Variants in POU6F2 observed in about 807,000 individuals in gnomAD.
POU6F2 encodes the protein POU class 6 homeobox 2.
Under a neutral mutation model 71.3 loss-of-function variants are expected in POU6F2, and 31 were observed. The ratio of observed to expected loss-of-function variants is 0.43; its 90% confidence interval spans 0.33 to 0.59. POU6F2 has a LOEUF of 0.59. POU6F2 is among the 20% of genes least tolerant of loss of function. The probability of loss-of-function intolerance (pLI) is 0.04; values close to 1 mark genes in which losing one functional copy is unlikely to be tolerated. For synonymous variants in POU6F2, 347 were observed against 355.7 expected (o/e 0.98, Z 0.27); for missense variants, 783 against 856.8 (o/e 0.91, Z 1.07).
chr7:39,079,106 G>A (rs1791059484), intron 1 of POU6F2, among the ~76,000 whole-genome samples: 1 of 147,738 alleles, frequency 6.8e-6, no homozygotes, highest in African/African-American at 2.5e-5. Context: ...GTCTATTTGT[G>A]TAATACTTTT....
intron 1 of POU6F2, among the ~76,000 whole-genome samples, chr7:39,079,012 G>A (rs1245685030): frequency 1.3e-5 from 2 of 152,076 alleles, no homozygotes; most frequent in South Asian, 2.1e-4. Flanking sequence ...TTGGTGACTC[G>A]TGCTCCAAAC....
chr7:39,305,014 G>A (rs1785023481), intron 4 of POU6F2, among the ~76,000 whole-genome samples: 1 of 152,186 alleles, frequency 6.6e-6, no homozygotes. Context: ...TTCTTAGCCT[G>A]TTTTCAAACA....
intron 1 of POU6F2, among the ~76,000 whole-genome samples, chr7:39,018,815 G>A (rs181709098): frequency 1.7e-3 from 263 of 152,242 alleles, no homozygotes; most frequent in African/African-American, 5.2e-3. Context: ...TGGGAGGAAT[G>A]GAGCAGAGCA....
At chr7:39,213,800 G>A (rs1165766086) in intron 4 of POU6F2, among the ~76,000 whole-genome samples, 2 of 152,182 alleles carry the variant, frequency 1.3e-5, no homozygotes, top group East Asian at 3.8e-4. Context: ...ACATCCCAGT[G>A]GGCAGACATC....
chr7:39,179,272 G>A (rs1449402644), intron 2 of POU6F2, among the ~76,000 whole-genome samples: 2 of 152,198 alleles, frequency 1.3e-5, no homozygotes, highest in Non-Finnish European at 1.5e-5. Context: ...GTGCATGTTG[G>A]TGCCACACTG....
At chr7:39,363,043 G>A (rs1050938965) in intron 5 of POU6F2, among the ~76,000 whole-genome samples, 3 of 152,100 alleles carry the variant, frequency 2.0e-5, no homozygotes, top group Non-Finnish European at 2.9e-5. Flanking sequence ...AATAAAACAC[G>A]AACACCCGTA....
chr7:39,404,392 A>C (rs1393171875), intron 5 of POU6F2, among the ~76,000 whole-genome samples: 1 of 152,264 alleles, frequency 6.6e-6, no homozygotes. Context: ...GAATAATTCT[A>C]TAATTTCCTA....
chr7:39,073,444 G>A (rs1790930350), intron 1 of POU6F2, among the ~76,000 whole-genome samples: 1 of 149,444 alleles, frequency 6.7e-6, no homozygotes, highest in African/African-American at 2.5e-5. Context: ...GGAATGAGAA[G>A]ATTTAGCTAA....
intron 4 of POU6F2, among the ~76,000 whole-genome samples, chr7:39,272,803 T>C (rs1439329346): frequency 6.6e-6 from 1 of 152,228 alleles, no homozygotes; most frequent in African/African-American, 2.4e-5. Context: ...TTTTCCCAAA[T>C]TATTTTCTTC....
At chr7:39,111,781 C>T (rs891444148) in intron 2 of POU6F2, among the ~76,000 whole-genome samples, 4 of 151,968 alleles carry the variant, frequency 2.6e-5, no homozygotes, top group Non-Finnish European at 5.9e-5. Flanking sequence ...AACAATGAAA[C>T]AGTCAACCTG....
intron 1 of POU6F2, among the ~76,000 whole-genome samples, chr7:39,067,844 G>C (rs1000375997): frequency 3.9e-5 from 6 of 152,040 alleles, no homozygotes; most frequent in Admixed American, 3.3e-4. Flanking sequence ...TTGGTAATGA[G>C]ATGCAAATTA....
chr7:39,442,554 T>TC (rs1330250641), intron 7 of POU6F2, among the ~76,000 whole-genome samples: 2 of 152,172 alleles, frequency 1.3e-5, no homozygotes, highest in Admixed American at 6.5e-5. Flanking sequence ...GGACTTTTCT[T>TC]CCCCCCATCT....
chr7:39,311,295 AAC>A (rs1785160289), intron 4 of POU6F2, among the ~76,000 whole-genome samples: 2 of 150,452 alleles, frequency 1.3e-5, no homozygotes, highest in African/African-American at 2.4e-5. Flanking sequence ...TAAAAAAAAA[AAC>A]AAACACCAAG....
chr7:39,012,141 C>T (rs1789311777), intron 1 of POU6F2, among the ~76,000 whole-genome samples: 1 of 150,900 alleles, frequency 6.6e-6, no homozygotes, highest in Admixed American at 6.6e-5. Flanking sequence ...TTCCATTCTC[C>T]CCATCACTTT....
At position 39,467,862 on chromosome 7, in the gene POU6F2, A is replaced by G. The variant is rs1789109230; in HGVS notation, c.*3176A>G. The G allele has an allele frequency of 6.6e-6, 1 of 152,218 alleles. No homozygotes were observed. Among genetic ancestry groups the G allele is most frequent in the African/African-American group, 2.4e-5 (1 of 41,456 alleles). 9.4% of individuals were successfully genotyped at this position (152,218 alleles called of 1,614,324 possible). A position where few individuals can be genotyped will look rare whatever the true frequency, so the allele number is the denominator to read the frequency against. On this transcript the variant is annotated 3_prime_UTR_variant, in exon 10 of 10. Transcript: ENST00000518318. ...GCCTTTGCTCGTTTCTCTACGCTGG[A>G]CCAAAGCTCAATATTTGTAGGTATA...
intron 6 of POU6F2, among the ~76,000 whole-genome samples, chr7:39,408,867 G>A (rs762974821): frequency 1.3e-5 from 2 of 152,114 alleles, no homozygotes; most frequent in African/African-American, 2.4e-5. Flanking sequence ...ATATAAACCC[G>A]GTTATCTTCC....
intron 5 of POU6F2, among the ~76,000 whole-genome samples, chr7:39,354,881 G>C (rs953466736): frequency 3.3e-5 from 5 of 152,226 alleles, no homozygotes; most frequent in Non-Finnish European, 7.3e-5. Flanking sequence ...AGCAGGGAGA[G>C]GAGGTGTTCT....
chr7:39,170,200 G>A (rs944237035), intron 2 of POU6F2, among the ~76,000 whole-genome samples: 3 of 152,032 alleles, frequency 2.0e-5, no homozygotes, highest in Non-Finnish European at 2.9e-5. Context: ...AATTGTATTC[G>A]TTGTTTTTGT....
intron 6 of POU6F2, among the ~76,000 whole-genome samples, chr7:39,407,019 T>A (rs186119637): frequency 4.6e-5 from 7 of 152,276 alleles, no homozygotes; most frequent in Admixed American, 2.6e-4. Context: ...TACTTTGCAT[T>A]ACAGGGGGCA....
Sources: gnomAD v4.1 joint callset for allele counts (sites outside exome capture counted in the v4.1 genomes callset) on GRCh38, gnomAD v4.1.1 for gene constraint, MANE v1.5 for transcripts, NCBI Gene and HGNC (gene_info 2026-07-23, HGNC 2026-07-21) for gene names.